PTPRD: variants seen among roughly 807,000 people sequenced by gnomAD.
PTPRD encodes protein tyrosine phosphatase receptor type D, also known as receptor-type tyrosine-protein phosphatase delta.
PTPRD carries 34 observed loss-of-function variants against 214.5 expected under a neutral mutation model. The ratio of observed to expected loss-of-function variants is 0.16; its 90% CI spans 0.12 to 0.21. PTPRD has a LOEUF of 0.21. Ranked by LOEUF, PTPRD falls within the 10% of genes least tolerant of loss-of-function variation. The pLI is 1.00. For missense variants in PTPRD, 2,545 were observed against 2,398.7 expected (o/e 1.06, Z -1.27); for synonymous variants, 1,128 against 845.7 (o/e 1.33, Z -5.79).
intron 3 of PTPRD, among the ~76,000 whole-genome samples, chr9:10,242,980 G>A (rs959244831): frequency 1.3e-5 from 2 of 151,674 alleles, no homozygotes; most frequent in Non-Finnish European, 3.0e-5. Flanking sequence ...ATATGGTTAT[G>A]TTTCAAAAAT....
rs2096045128 is a variant in PTPRD at position 9,643,575 on chromosome 9, T to C, written c.-286-68794A>G. On this transcript the variant is annotated intron_variant, in intron 7 of 45. Transcript: ENST00000381196. The stretch of plus-strand genomic sequence containing the variant: ...TGTGATAGCAGATCCTTTCTTAGCA[T>C]CCTCACCTTATAAAATTAATAGATC... Among the ~76,000 whole-genome samples, 3 of 152,278 alleles carry C rather than the reference T, an allele frequency of 2.0e-5. No individual in the cohort carries two copies. In the South Asian group the frequency reaches 6.2e-4, roughly 32 times the overall value.
At chr9:9,155,386 C>T (rs1201318558) in intron 10 of PTPRD, among the ~76,000 whole-genome samples, 2 of 152,058 alleles carry the variant, frequency 1.3e-5, no homozygotes, top group Non-Finnish European at 2.9e-5. Context: ...GTAAGAAATG[C>T]TTACACTTGA....
chr9:9,661,541 T>G (rs2096622157), intron 7 of PTPRD, among the ~76,000 whole-genome samples: 2 of 151,874 alleles, frequency 1.3e-5, no homozygotes, highest in South Asian at 4.1e-4. Context: ...CAATATAGAA[T>G]ACTTATGACT....
intron 14 of PTPRD, among the ~76,000 whole-genome samples, chr9:8,534,931 C>A (rs963516900): frequency 6.6e-6 from 1 of 151,900 alleles, no homozygotes. Flanking sequence ...GGATAGTCAA[C>A]AGATGGCATC....
At chr9:8,615,829 ATTC>A (rs2095595388) in intron 14 of PTPRD, among the ~76,000 whole-genome samples, 1 of 152,236 alleles carries the variant, frequency 6.6e-6, no homozygotes, top group East Asian at 1.9e-4. Context: ...CCTTTCTTGC[ATTC>A]TAAAGAGATT....
At chr9:8,748,638 G>A (rs1050603595) in intron 11 of PTPRD, among the ~76,000 whole-genome samples, 26 of 151,912 alleles carry the variant, frequency 1.7e-4, no homozygotes, top group African/African-American at 5.3e-4. Context: ...CTGGCCAGGC[G>A]TGGTGGCTTA....
chr9:9,287,219 T>C (rs1200702338), intron 9 of PTPRD, among the ~76,000 whole-genome samples: 1 of 151,460 alleles, frequency 6.6e-6, no homozygotes, highest in East Asian at 2.0e-4. Flanking sequence ...AACAAGACTC[T>C]GTCATCCCAC....
At chr9:8,378,970 T>C (rs1192791186) in intron 37 of PTPRD, among the ~76,000 whole-genome samples, 1 of 152,102 alleles carries the variant, frequency 6.6e-6, no homozygotes, top group Non-Finnish European at 1.5e-5. Flanking sequence ...GCAACTATTA[T>C]TGGCTTAGAC....
At chr9:10,147,447 T>A (rs1392106803) in intron 3 of PTPRD, among the ~76,000 whole-genome samples, 1 of 152,154 alleles carries the variant, frequency 6.6e-6, no homozygotes, top group Non-Finnish European at 1.5e-5. Flanking sequence ...AAACAACGTA[T>A]AATTCTAAAA....
intron 11 of PTPRD, among the ~76,000 whole-genome samples, chr9:8,903,171 T>C (rs543352371): frequency 2.6e-5 from 4 of 152,170 alleles, no homozygotes; most frequent in African/African-American, 9.6e-5. Context: ...TCAAATTTTA[T>C]TTTAGATTCA....
In PTPRD at chr9:9,885,874, T is replaced by C. The variant is rs2070694373; in HGVS notation, c.-368+52633A>G. Among the ~76,000 whole-genome samples the C allele has an allele frequency of 6.6e-5, 10 of 151,192 alleles. No homozygotes were observed. The South Asian group carries it at 1.5e-3, about 22-fold the overall frequency. ...CCACAACAGGTTAAAAAAAAAACCA[T>C]GGCCAAAAAGAAGAGAAGGGCCTAT... On this transcript the variant is annotated intron_variant, in intron 5 of 45. Transcript: ENST00000381196.
At chr9:10,478,507 A>G (rs2099077363) in intron 2 of PTPRD, among the ~76,000 whole-genome samples, 2 of 152,118 alleles carry the variant, frequency 1.3e-5, no homozygotes, top group African/African-American at 4.8e-5. Flanking sequence ...GCATTTTTCT[A>G]TAGCACTGTG....
At chr9:9,764,891 G>A (rs1385185774) in intron 6 of PTPRD, among the ~76,000 whole-genome samples, 1 of 152,062 alleles carries the variant, frequency 6.6e-6, no homozygotes, top group Non-Finnish European at 1.5e-5. Context: ...ATCATTTTCT[G>A]GAATATCAGG....
intron 10 of PTPRD, among the ~76,000 whole-genome samples, chr9:9,133,801 G>C (rs2099846515): frequency 6.6e-6 from 1 of 152,128 alleles, no homozygotes; most frequent in South Asian, 2.1e-4. Context: ...GGGCTGAGCT[G>C]CCTGTGCACA....
intron 7 of PTPRD, among the ~76,000 whole-genome samples, chr9:9,683,150 C>A (rs1056790474): frequency 2.6e-5 from 4 of 151,688 alleles, no homozygotes; most frequent in African/African-American, 9.7e-5. Context: ...ATTGGTGGAA[C>A]CATTTGGACG....
chr9:9,072,442 C>T (rs634098), intron 10 of PTPRD, among the ~76,000 whole-genome samples: 114,190 of 151,492 alleles, frequency 0.75, 43,229 homozygotes, highest in Non-Finnish European at 0.78. Flanking sequence ...TTAAAAACCA[C>T]TGGGTAGAGC....
intron 11 of PTPRD, among the ~76,000 whole-genome samples, chr9:8,871,617 AT>A (rs1335629201): frequency 6.6e-6 from 1 of 152,072 alleles, no homozygotes; most frequent in African/African-American, 2.4e-5. Flanking sequence ...TGATAGCAAA[AT>A]TCCTCTCTGT....
chr9:10,274,146 T>C (rs1564938599), intron 3 of PTPRD, among the ~76,000 whole-genome samples: 1 of 152,062 alleles, frequency 6.6e-6, no homozygotes, highest in Non-Finnish European at 1.5e-5. Flanking sequence ...TATTTAATGC[T>C]CCCATTACAG....
chr9:9,309,676 T>C (rs1595566748), intron 9 of PTPRD, among the ~76,000 whole-genome samples: 1 of 152,172 alleles, frequency 6.6e-6, no homozygotes, highest in Admixed American at 6.5e-5. Flanking sequence ...GTCTATGCTA[T>C]CCTGTAAAAT....
Sources: allele counts gnomAD v4.1 joint callset (sites outside exome capture counted in the v4.1 genomes callset), GRCh38; gene constraint gnomAD v4.1.1; transcripts MANE v1.5; gene names NCBI Gene and HGNC (gene_info 2026-07-23, HGNC 2026-07-21).